The following GALNT18 variants were observed in gnomAD, a reference collection of about 807,000 sequenced individuals.
GALNT18 encodes the protein GalNAc-transferase 18.
GALNT18 carries 44 observed loss-of-function variants against 69.5 expected under a neutral mutation model. The ratio of observed to expected loss-of-function variants is 0.63; its 90% CI spans 0.50 to 0.81. GALNT18 has a LOEUF of 0.81. Ranked by LOEUF, GALNT18 falls within the 40% of genes least tolerant of loss-of-function variation. GALNT18 has a pLI of 0.00. For synonymous variants in GALNT18, 364 were observed against 318.2 expected, an observed-to-expected ratio of 1.14 and a Z score of -1.53; for missense variants, 715 against 810.0, an observed-to-expected ratio of 0.88 and a Z score of 1.42.
chr11:11,614,504 T>C lies in GALNT18; in HGVS notation c.235+6855A>G, dbSNP rs1244046911. 6.6e-6 allele frequency among the ~76,000 whole-genome samples: 1 copy of C among 151,944 alleles called. No homozygotes were observed. The highest frequency in any genetic ancestry group is 1.9e-4 in the East Asian group (1 of 5,190). ...GCACCAAGCCATTCATACAAACACC[T>C]CCCACTAGGCCCCACCTCAAACACT... On this transcript the variant is annotated intron_variant, in intron 1 of 10. Coordinates refer to ENST00000227756, the MANE Select transcript of GALNT18 (RefSeq NM_198516.3). This position sits in a 1 kb window ranked among gnomAD's most constrained non-coding sequence, Gnocchi z 5.6.
At chr11:11,385,368 T>C (rs2133703074) in intron 3 of GALNT18, among the ~76,000 whole-genome samples, 1 of 151,508 alleles carries the variant, frequency 6.6e-6, no homozygotes, top group Non-Finnish European at 1.5e-5. Flanking sequence ...CAATCTCGGC[T>C]CACTGCAAGC....
intron 1 of GALNT18, among the ~76,000 whole-genome samples, chr11:11,516,091 G>A (rs574855764): frequency 1.2e-3 from 190 of 152,296 alleles, no homozygotes; most frequent in Non-Finnish European, 2.2e-3. Flanking sequence ...GAGATGGGCC[G>A]TCACCACAGC....
chr11:11,441,748 A>T (rs1855535999), intron 2 of GALNT18, among the ~76,000 whole-genome samples: 1 of 152,216 alleles, frequency 6.6e-6, no homozygotes, highest in African/African-American at 2.4e-5. Flanking sequence ...ATGGTCCAGC[A>T]GTCATGGCCT....
At chr11:11,569,363 C>T (rs1286203317) in intron 1 of GALNT18, among the ~76,000 whole-genome samples, 1 of 152,034 alleles carries the variant, frequency 6.6e-6, no homozygotes, top group African/African-American at 2.4e-5. Context: ...CACCACTTGC[C>T]CCCACCCCAA....
intron 7 of GALNT18, among the ~76,000 whole-genome samples, chr11:11,333,916 A>G (rs1850064334): frequency 6.6e-6 from 1 of 151,890 alleles, no homozygotes; most frequent in Non-Finnish European, 1.5e-5. Context: ...CGAGGGGTCC[A>G]TCCTCTGGGG....
chr11:11,409,207 C>T (rs1854669593), intron 3 of GALNT18, among the ~76,000 whole-genome samples: 1 of 152,154 alleles, frequency 6.6e-6, no homozygotes, highest in Non-Finnish European at 1.5e-5. Flanking sequence ...GCTACTGGCT[C>T]ATGGGGGCAG....
intron 6 of GALNT18, among the ~76,000 whole-genome samples, chr11:11,363,635 A>C (rs1850691566): frequency 6.6e-6 from 1 of 152,232 alleles, no homozygotes; most frequent in Non-Finnish European, 1.5e-5. Flanking sequence ...TGAATGAGAA[A>C]GATCATCATG....
At chr11:11,385,377 G>A (rs570344413) in intron 3 of GALNT18, among the ~76,000 whole-genome samples, 25 of 151,192 alleles carry the variant, frequency 1.7e-4, no homozygotes, top group Admixed American at 4.0e-4. Context: ...CTCACTGCAA[G>A]CTCCGCCTCC....
Position 11,606,906 on chromosome 11 carries a change from G to A in GALNT18, c.235+14453C>T, listed in dbSNP as rs1231618356. Among the ~76,000 whole-genome samples, 1 of 152,204 alleles carries A rather than the reference G, an allele frequency of 6.6e-6. No homozygotes were observed. Among genetic ancestry groups the A allele is most frequent in the Non-Finnish European group, 1.5e-5 (1 of 68,038 alleles). On this transcript the variant is annotated intron_variant, in intron 1 of 10. Transcript: ENST00000227756. The surrounding 1 kb of genome is among the most constrained non-coding windows in gnomAD (Gnocchi z 5.4). ...GGATCCTTCAGCAAACAGTTTGAGGGTGAGGATGCTGATGTTATTTGCAAC... is the reference window on the plus strand; with the variant it reads ...GGATCCTTCAGCAAACAGTTTGAGGATGAGGATGCTGATGTTATTTGCAAC...
In GALNT18 at chr11:11,621,475, T is replaced by C. The variant is rs1860191506; in HGVS notation, c.119A>G (p.Tyr40Cys). The C allele has an allele frequency of 6.2e-7, 1 of 1,613,986 alleles. No homozygotes were observed. Among genetic ancestry groups the C allele is most frequent in the Non-Finnish European group, 8.5e-7 (1 of 1,180,030 alleles). The part of the protein sequence containing the change: ...GWVTNYIASV[Y>C]VRGQEPAPDK... The stretch of plus-strand genomic sequence containing the variant: ...GGGCGCCGGCTCCTGCCCCCGCACA[T>C]ACACGCTGGCGATGTAGTTGGTGAC... The change falls in exon 1 of 11, where the codon TAT becomes TGT. Residue 40 changes from tyrosine to cysteine, a missense_variant. Coordinates refer to ENST00000227756, the MANE Select transcript of GALNT18 (RefSeq NM_198516.3). This position sits in a 1 kb window ranked among gnomAD's most constrained non-coding sequence, Gnocchi z 9.3.
chr11:11,390,606 G>C (rs559377260), intron 3 of GALNT18, among the ~76,000 whole-genome samples: 1 of 152,270 alleles, frequency 6.6e-6, no homozygotes, highest in African/African-American at 2.4e-5. Flanking sequence ...TCATGACTCA[G>C]GAGACCCGGA....
chr11:11,322,470 A>C (rs1379827911), intron 9 of GALNT18, among the ~76,000 whole-genome samples: 1 of 152,228 alleles, frequency 6.6e-6, no homozygotes, highest in East Asian at 1.9e-4. Flanking sequence ...CAGAAAGACC[A>C]ACTACTTGTG....
chr11:11,329,416 T>C (rs1849980824), intron 8 of GALNT18, among the ~76,000 whole-genome samples: 1 of 152,112 alleles, frequency 6.6e-6, no homozygotes, highest in Non-Finnish European at 1.5e-5. Context: ...TGTGGTGTAG[T>C]AACAAGCTCC....
intron 6 of GALNT18, among the ~76,000 whole-genome samples, chr11:11,345,263 G>C (rs562218102): frequency 6.6e-6 from 1 of 152,386 alleles, no homozygotes; most frequent in African/African-American, 2.4e-5. Flanking sequence ...GCAGCCAGAA[G>C]ATGTGGACTC....
chr11:11,409,168 G>C (rs12420258), intron 3 of GALNT18, among the ~76,000 whole-genome samples: 11,083 of 152,272 alleles, frequency 0.073, 542 homozygotes, highest in Non-Finnish European at 0.11. Flanking sequence ...GAGGCTGGTG[G>C]CTGGTGGCCT....
chr11:11,503,197 T>TCA (rs1857007485), intron 1 of GALNT18, among the ~76,000 whole-genome samples: 1 of 152,122 alleles, frequency 6.6e-6, no homozygotes, highest in Non-Finnish European at 1.5e-5. Flanking sequence ...GTAATATGCT[T>TCA]TAGGAGGAAC....
intron 3 of GALNT18, among the ~76,000 whole-genome samples, chr11:11,399,372 A>G (rs16909603): frequency 0.12 from 18,719 of 152,170 alleles, 1,243 homozygotes; most frequent in East Asian, 0.27. Flanking sequence ...CATCTTTAAG[A>G]GGTTCACCTT....
intron 1 of GALNT18, among the ~76,000 whole-genome samples, chr11:11,462,485 G>A (rs557543383): frequency 1.3e-5 from 2 of 151,914 alleles, no homozygotes; most frequent in Admixed American, 1.3e-4. Context: ...TAGTGGTGGG[G>A]TTTCACCATG....
chr11:11,612,468 T>C (rs1859931656), intron 1 of GALNT18, among the ~76,000 whole-genome samples: 3 of 152,226 alleles, frequency 2.0e-5, no homozygotes. Context: ...TCATATCCAT[T>C]GGCCTAAGCA....
Sources: allele counts gnomAD v4.1 joint callset (sites outside exome capture counted in the v4.1 genomes callset), GRCh38; gene constraint gnomAD v4.1.1; non-coding constraint Gnocchi (gnomAD v3.1); transcripts MANE v1.5; gene names NCBI Gene and HGNC (gene_info 2026-07-23, HGNC 2026-07-21).